IMMP2L: variants seen among roughly 807,000 people sequenced by gnomAD.
IMMP2L encodes the protein mitochondrial inner membrane protease subunit 2.
Under a neutral mutation model 19.3 loss-of-function variants are expected in IMMP2L, and 18 were observed. The ratio of observed to expected loss-of-function variants is 0.93; its 90% CI spans 0.64 to 1.38. The LOEUF (loss-of-function observed/expected upper bound fraction) is 1.38. Ranked by LOEUF, IMMP2L falls within the 40% of genes most tolerant of loss-of-function variation. The pLI is 0.00. For missense variants in IMMP2L, 233 were observed against 218.2 expected, an observed-to-expected ratio of 1.07 and a Z score of -0.43; for synonymous variants, 76 against 73.0, an observed-to-expected ratio of 1.04 and a Z score of -0.21.
At chr7:111,511,945 C>G (rs1845487869) in intron 2 of IMMP2L, among the ~76,000 whole-genome samples, 1 of 152,090 alleles carries the variant, frequency 6.6e-6, no homozygotes, top group Non-Finnish European at 1.5e-5. Context: ...CAGTTAGCAG[C>G]CCACTTTCCC....
intron 5 of IMMP2L, among the ~76,000 whole-genome samples, chr7:110,743,127 T>C (rs1225180709): frequency 6.6e-6 from 1 of 152,118 alleles, no homozygotes; most frequent in Non-Finnish European, 1.5e-5. Context: ...TGAAAGAAAA[T>C]ATATTAATGT....
At chr7:111,147,678 C>T (rs1381481244) in intron 3 of IMMP2L, among the ~76,000 whole-genome samples, 1 of 152,076 alleles carries the variant, frequency 6.6e-6, no homozygotes, top group East Asian at 1.9e-4. Context: ...GGCTCTAGCC[C>T]TCCATAGACA....
intron 3 of IMMP2L, among the ~76,000 whole-genome samples, chr7:111,190,096 G>A (rs905860338): frequency 3.3e-5 from 5 of 152,066 alleles, no homozygotes; most frequent in Non-Finnish European, 5.9e-5. Flanking sequence ...ACATTTTACA[G>A]CATCATCTCA....
At chr7:110,860,550 T>C (rs1193801917) in intron 5 of IMMP2L, among the ~76,000 whole-genome samples, 3 of 152,118 alleles carry the variant, frequency 2.0e-5, no homozygotes, top group Non-Finnish European at 4.4e-5. Context: ...CTATAATTTA[T>C]AGTTAGTACA....
At chr7:111,301,230 C>G (rs1164870354) in intron 3 of IMMP2L, among the ~76,000 whole-genome samples, 1 of 152,142 alleles carries the variant, frequency 6.6e-6, no homozygotes, top group Non-Finnish European at 1.5e-5. Flanking sequence ...ACTTATTTGT[C>G]ATCTGTATAT....
intron 3 of IMMP2L, among the ~76,000 whole-genome samples, chr7:111,367,906 T>G (rs1000289249): frequency 6.6e-5 from 10 of 151,912 alleles, no homozygotes; most frequent in African/African-American, 2.2e-4. Context: ...TTCCATTCAC[T>G]GAGCAACAAA....
intron 3 of IMMP2L, among the ~76,000 whole-genome samples, chr7:110,976,155 C>G (rs1199808387): frequency 6.6e-6 from 1 of 151,892 alleles, no homozygotes; most frequent in East Asian, 1.9e-4. Context: ...ATTTGCTTAT[C>G]TATATATTAA....
chr7:110,775,765 T>C (rs1271207049), intron 5 of IMMP2L, among the ~76,000 whole-genome samples: 1 of 151,920 alleles, frequency 6.6e-6, no homozygotes, highest in Admixed American at 6.6e-5. Context: ...AAAGTAAATG[T>C]AAAGTATGGC....
rs73714667 is a variant in IMMP2L at position 111,096,077 on chromosome 7, A to G, written c.240-132512T>C. Among the ~76,000 whole-genome samples, 315 of 152,134 alleles carry G rather than the reference A, an allele frequency of 2.1e-3. 3 individuals are homozygous for G. Among genetic ancestry groups the G allele is most frequent in the African/African-American group, 7.2e-3 (299 of 41,548 alleles). ...TAGTAATTAATTGACTCAACTTGTAAGAAGGATACAAAATATAAACACAAT... is the reference window on the plus strand; with the variant it reads ...TAGTAATTAATTGACTCAACTTGTAGGAAGGATACAAAATATAAACACAAT... On this transcript the variant is annotated intron_variant, in intron 3 of 5. Transcript: ENST00000405709.
At chr7:110,703,660 G>A (rs1794444400) in intron 5 of IMMP2L, among the ~76,000 whole-genome samples, 1 of 152,102 alleles carries the variant, frequency 6.6e-6, no homozygotes, top group African/African-American at 2.4e-5. Flanking sequence ...GAAATTCACA[G>A]TATCATTGGA....
At chr7:110,936,492 G>A (rs977179842) in intron 4 of IMMP2L, among the ~76,000 whole-genome samples, 2 of 152,048 alleles carry the variant, frequency 1.3e-5, no homozygotes, top group Non-Finnish European at 2.9e-5. Context: ...AATCAAAACT[G>A]CAATGAGATA....
intron 3 of IMMP2L, among the ~76,000 whole-genome samples, chr7:111,079,971 T>C (rs1243041067): frequency 1.3e-5 from 2 of 152,082 alleles, no homozygotes; most frequent in Non-Finnish European, 2.9e-5. Context: ...ATAAGGTCCT[T>C]ATTAGATGCA....
intron 3 of IMMP2L, among the ~76,000 whole-genome samples, chr7:111,182,451 C>A (rs766340780): frequency 6.6e-6 from 1 of 151,896 alleles, no homozygotes; most frequent in Non-Finnish European, 1.5e-5. Flanking sequence ...ATGCATTCCA[C>A]TCAAAAGAAT....
chr7:111,510,919 C>G (rs182212841), intron 2 of IMMP2L, among the ~76,000 whole-genome samples: 1 of 152,214 alleles, frequency 6.6e-6, no homozygotes, highest in East Asian at 1.9e-4. Flanking sequence ...TCTGTCTGCT[C>G]TAGTGGCCAT....
intron 3 of IMMP2L, among the ~76,000 whole-genome samples, chr7:111,223,299 A>G (rs1034364370): frequency 6.6e-6 from 1 of 151,878 alleles, no homozygotes; most frequent in Non-Finnish European, 1.5e-5. Context: ...GAGCTAGAAA[A>G]ATGTTAAAAT....
At chr7:111,242,121 A>G (rs1397512631) in intron 3 of IMMP2L, among the ~76,000 whole-genome samples, 1 of 152,094 alleles carries the variant, frequency 6.6e-6, no homozygotes, top group Non-Finnish European at 1.5e-5. Flanking sequence ...TTCAGAAAAT[A>G]GAATATTAGT....
At position 111,123,030 on chromosome 7, in the gene IMMP2L, C is replaced by T. The variant is rs767123158; in HGVS notation, c.240-159465G>A. 3 of 1,613,904 alleles carry T rather than the reference C, an allele frequency of 1.9e-6. No homozygotes were observed. The highest frequency in any genetic ancestry group is 4.5e-5 in the East Asian group (2 of 44,834). ...CTAACAATATTGCAAAAATTGAATA[C>T]TCCACAGACTTTCCAGTAAACCTTA... On this transcript the variant is annotated intron_variant, in intron 3 of 5. Coordinates refer to ENST00000405709, the MANE Select transcript of IMMP2L (RefSeq NM_032549.4). The surrounding 1 kb of genome is among the most constrained non-coding windows in gnomAD (Gnocchi z 6.4).
intron 3 of IMMP2L, among the ~76,000 whole-genome samples, chr7:111,073,924 T>C (rs753717655): frequency 1.3e-5 from 2 of 152,208 alleles, no homozygotes; most frequent in African/African-American, 2.4e-5. Flanking sequence ...TAAGTATGCA[T>C]GTGTTATTGG....
At chr7:111,094,397 A>G (rs190141254) in intron 3 of IMMP2L, among the ~76,000 whole-genome samples, 1 of 152,250 alleles carries the variant, frequency 6.6e-6, no homozygotes, top group East Asian at 1.9e-4. Flanking sequence ...AGCCTCAGTA[A>G]GGATGCTCCT....
Sources: allele counts gnomAD v4.1 joint callset (sites outside exome capture counted in the v4.1 genomes callset), GRCh38; gene constraint gnomAD v4.1.1; non-coding constraint Gnocchi (gnomAD v3.1); transcripts MANE v1.5; gene names NCBI Gene and HGNC (gene_info 2026-07-23, HGNC 2026-07-21).